MIR2052HG: variants seen among roughly 807,000 people sequenced by gnomAD.
MIR2052HG encodes the protein MIR2052 host gene.
chr8:74,698,633 T>C (rs1040385083), intron 2 of MIR2052HG, among the ~76,000 whole-genome samples: 2 of 152,080 alleles, frequency 1.3e-5, no homozygotes, highest in Non-Finnish European at 2.9e-5. Context: ...ATATACAGAA[T>C]ATACAAGGAA....
intron 2 of MIR2052HG, among the ~76,000 whole-genome samples, chr8:74,639,963 T>C (rs1423908896): frequency 6.6e-6 from 1 of 152,182 alleles, no homozygotes; most frequent in Non-Finnish European, 1.5e-5. Context: ...ACTTGAGCCA[T>C]GGTGGTACTT....
intron 2 of MIR2052HG, among the ~76,000 whole-genome samples, chr8:74,647,424 A>C (rs1259013089): frequency 6.6e-6 from 1 of 152,240 alleles, no homozygotes; most frequent in Non-Finnish European, 1.5e-5. Context: ...TATGTTACAC[A>C]AATGCAAAGC....
At chr8:74,699,129 G>A (rs1274121389) in intron 2 of MIR2052HG, among the ~76,000 whole-genome samples, 2 of 152,070 alleles carry the variant, frequency 1.3e-5, no homozygotes, top group African/African-American at 4.8e-5. Context: ...CATGGATGTA[G>A]TGAAAAGGGA....
chr8:74,702,967 G>A (rs187355060), intron 3 of MIR2052HG, among the ~76,000 whole-genome samples: 7 of 152,188 alleles, frequency 4.6e-5, no homozygotes, highest in African/African-American at 1.7e-4. Context: ...ATTGGTGAGA[G>A]GGGTGTTACG....
At chr8:74,689,481 T>A (rs1053240724) in intron 2 of MIR2052HG, among the ~76,000 whole-genome samples, 2 of 152,214 alleles carry the variant, frequency 1.3e-5, no homozygotes, top group African/African-American at 4.8e-5. Context: ...CTAAGTGGTA[T>A]AGTTTAAAAT....
At chr8:74,642,727 G>A (rs768157990) in intron 2 of MIR2052HG, among the ~76,000 whole-genome samples, 1 of 151,574 alleles carries the variant, frequency 6.6e-6, no homozygotes, top group Non-Finnish European at 1.5e-5. Context: ...GATGACTATC[G>A]ACTTATTAAA....
At chr8:74,614,495 A>G (rs1021399225) in intron 2 of MIR2052HG, among the ~76,000 whole-genome samples, 1 of 152,090 alleles carries the variant, frequency 6.6e-6, no homozygotes, top group Non-Finnish European at 1.5e-5. Flanking sequence ...AAAATCATAT[A>G]TTTGGGTTCT....
chr8:74,649,358 TTAAAA>T (rs1808728829), intron 2 of MIR2052HG, among the ~76,000 whole-genome samples: 1 of 152,088 alleles, frequency 6.6e-6, no homozygotes, highest in African/African-American at 2.4e-5. Flanking sequence ...TTTAGTGCTA[TTAAAA>T]TAGTTTAAAA....
chr8:74,743,068 A>T (rs1339222137), intron 4 of MIR2052HG, among the ~76,000 whole-genome samples: 1 of 152,158 alleles, frequency 6.6e-6, no homozygotes, highest in East Asian at 1.9e-4. Context: ...TGTCAAAAAA[A>T]CAAACAAAAA....
At chr8:74,712,698 G>GT (rs1388062309) in intron 4 of MIR2052HG, among the ~76,000 whole-genome samples, 19 of 97,886 alleles carry the variant, frequency 1.9e-4, no homozygotes, top group Non-Finnish European at 3.7e-4. Flanking sequence ...AGCTTTTTCT[G>GT]CCTTTTTTTT....
intron 2 of MIR2052HG, among the ~76,000 whole-genome samples, chr8:74,679,389 C>T (rs1389695907): frequency 6.6e-6 from 1 of 152,044 alleles, no homozygotes; most frequent in Non-Finnish European, 1.5e-5. Flanking sequence ...GTAATGGTCT[C>T]CAACTCCATC....
chr8:74,739,614 GA>G (rs1296219984), intron 4 of MIR2052HG, among the ~76,000 whole-genome samples: 1 of 151,882 alleles, frequency 6.6e-6, no homozygotes, highest in Non-Finnish European at 1.5e-5. Context: ...TTCACTGATT[GA>G]AAAAAAATTA....
At chr8:74,679,506 C>A (rs1462045483) in intron 2 of MIR2052HG, among the ~76,000 whole-genome samples, 2 of 148,960 alleles carry the variant, frequency 1.3e-5, no homozygotes, top group African/African-American at 5.0e-5. Context: ...GGTTGATAGG[C>A]ATTTGGCTTG....
chr8:74,687,069 T>C (rs754253072), intron 2 of MIR2052HG, among the ~76,000 whole-genome samples: 2 of 152,118 alleles, frequency 1.3e-5, no homozygotes, highest in African/African-American at 4.8e-5. Flanking sequence ...AAAGAAGACA[T>C]ACAAATGGCC....
intron 2 of MIR2052HG, among the ~76,000 whole-genome samples, chr8:74,623,667 T>A (rs1018474519): frequency 6.6e-6 from 1 of 152,190 alleles, no homozygotes; most frequent in African/African-American, 2.4e-5. Flanking sequence ...GTCAGCATAC[T>A]CTGAACACGC....
At chr8:74,665,766 G>C (rs756587067) in intron 2 of MIR2052HG, among the ~76,000 whole-genome samples, 1 of 152,078 alleles carries the variant, frequency 6.6e-6, no homozygotes, top group Non-Finnish European at 1.5e-5. Flanking sequence ...ATTTTGAATT[G>C]TAGCTCCCAT....
At chr8:74,630,645 T>G (rs1270508048) in intron 2 of MIR2052HG, among the ~76,000 whole-genome samples, 1 of 152,094 alleles carries the variant, frequency 6.6e-6, no homozygotes, top group African/African-American at 2.4e-5. Flanking sequence ...AAACAAGTTC[T>G]CTGGAAACTG....
intron 2 of MIR2052HG, among the ~76,000 whole-genome samples, chr8:74,662,443 G>T (rs930647621): frequency 6.6e-6 from 1 of 151,986 alleles, no homozygotes; most frequent in Admixed American, 6.6e-5. Context: ...TGAGGGGTGG[G>T]GGGCAAGGGG....
At chr8:74,637,069 C>T (rs1808589556) in intron 2 of MIR2052HG, among the ~76,000 whole-genome samples, 1 of 152,072 alleles carries the variant, frequency 6.6e-6, no homozygotes, top group Non-Finnish European at 1.5e-5. Flanking sequence ...CAGTGATACA[C>T]ATATTTCATT....
Sources: allele counts gnomAD v4.1 joint callset (sites outside exome capture counted in the v4.1 genomes callset), GRCh38; gene constraint gnomAD v4.1.1; transcripts MANE v1.5; gene names NCBI Gene and HGNC (gene_info 2026-07-23, HGNC 2026-07-21).